PRR16: variants seen among roughly 807,000 people sequenced by gnomAD.
PRR16 encodes the protein proline rich 16, also known as protein Largen.
In PRR16, 6 loss-of-function variants were observed where a neutral mutation model predicts 18.2. The ratio of observed to expected loss-of-function variants is 0.33; its 90% confidence interval spans 0.18 to 0.65. The LOEUF is 0.65. Ranked by LOEUF, PRR16 falls within the 30% of genes least tolerant of loss-of-function variation. The pLI, the probability that PRR16 is intolerant of heterozygous loss-of-function variation, is 0.74. For missense variants in PRR16, 412 were observed against 376.6 expected (o/e 1.09, Z -0.78); for synonymous variants, 151 against 147.8 (o/e 1.02, Z -0.16).
At chr5:120,739,253 TA>T in the PRR16 span, among the ~76,000 whole-genome samples, 1 of 152,150 alleles carries the variant, frequency 6.6e-6, no homozygotes, top group Admixed American at 6.5e-5. Context: ...TATTATGAGA[TA>T]TTTAGATACT....
At chr5:120,496,899 A>G (rs563946788) in intron 1 of PRR16, among the ~76,000 whole-genome samples, 6 of 151,864 alleles carry the variant, frequency 4.0e-5, no homozygotes, top group South Asian at 4.2e-4. Context: ...GACTTGTTGT[A>G]TTTTCACTTT....
the PRR16 span, among the ~76,000 whole-genome samples, chr5:120,709,426 G>A: frequency 6.6e-6 from 1 of 152,056 alleles, no homozygotes; most frequent in Non-Finnish European, 1.5e-5. Context: ...CTTACAATAT[G>A]AGATGATCAA....
At chr5:120,636,554 T>C (rs1414811420) in intron 1 of PRR16, among the ~76,000 whole-genome samples, 1 of 152,096 alleles carries the variant, frequency 6.6e-6, no homozygotes, top group Non-Finnish European at 1.5e-5. Context: ...ATTCAACAAA[T>C]GGTGTTGGGG....
chr5:120,738,966 A>G, the PRR16 span, among the ~76,000 whole-genome samples: 1 of 152,202 alleles, frequency 6.6e-6, no homozygotes, highest in Non-Finnish European at 1.5e-5. Context: ...TCCTGCATAG[A>G]AAACTATCAT....
chr5:120,677,617 A>G (rs1756840880), intron 1 of PRR16, among the ~76,000 whole-genome samples: 1 of 152,170 alleles, frequency 6.6e-6, no homozygotes, highest in African/African-American at 2.4e-5. Context: ...CTTCTTGGAA[A>G]GGTTTCAGTC....
downstream of PRR16, among the ~76,000 whole-genome samples, chr5:120,691,437 A>G (rs1757208103): frequency 6.6e-6 from 1 of 152,216 alleles, no homozygotes; most frequent in African/African-American, 2.4e-5. Context: ...CTCATGTATT[A>G]TACCAGTGGC....
chr5:120,702,681 GTCT>G, the PRR16 span, among the ~76,000 whole-genome samples: 1 of 152,164 alleles, frequency 6.6e-6, no homozygotes, highest in Non-Finnish European at 1.5e-5. Flanking sequence ...GATAAAACGT[GTCT>G]TCTTTGTCTC....
intron 1 of PRR16, among the ~76,000 whole-genome samples, chr5:120,578,787 G>A (rs1753165907): frequency 6.7e-6 from 1 of 149,632 alleles, no homozygotes; most frequent in African/African-American, 2.6e-5. Flanking sequence ...TGGGTGAAAT[G>A]GTATGTCTGG....
chr5:120,657,962 C>G (rs1756041492), intron 1 of PRR16: 1 of 151,912 alleles, frequency 6.6e-6, no homozygotes, highest in African/African-American at 2.4e-5. Flanking sequence ...AACGTGCTAT[C>G]CCAATACCAA....
chr5:120,562,010 A>G (rs569920437), intron 1 of PRR16, among the ~76,000 whole-genome samples: 1 of 152,138 alleles, frequency 6.6e-6, no homozygotes, highest in Non-Finnish European at 1.5e-5. Flanking sequence ...TCTAGAGTGC[A>G]GATTAAGTCT....
At chr5:120,667,747 C>T (rs1250740174) in intron 1 of PRR16, among the ~76,000 whole-genome samples, 3 of 152,124 alleles carry the variant, frequency 2.0e-5, no homozygotes, top group East Asian at 3.9e-4. Context: ...TGTTCAGTTT[C>T]CATGTAGTTG....
chr5:120,629,741 TG>T (rs200959415), intron 1 of PRR16, among the ~76,000 whole-genome samples: 39,337 of 151,784 alleles, frequency 0.26, 6,076 homozygotes, highest in Middle Eastern at 0.41. Context: ...TAGAAGACTC[TG>T]TTTGTTTTTT....
chr5:120,698,330 G>C, the PRR16 span, among the ~76,000 whole-genome samples: 11 of 152,126 alleles, frequency 7.2e-5, no homozygotes, highest in South Asian at 2.3e-3. Flanking sequence ...AATGGAATAA[G>C]AGAAGAAAAA....
chr5:120,730,770 TAGAG>T, the PRR16 span, among the ~76,000 whole-genome samples: 6 of 152,294 alleles, frequency 3.9e-5, no homozygotes, highest in South Asian at 2.1e-4. Flanking sequence ...ACTGATCAAA[TAGAG>T]AGTCAAAATT....
At chr5:120,610,146 G>C (rs1343682322) in intron 1 of PRR16, among the ~76,000 whole-genome samples, 1 of 151,966 alleles carries the variant, frequency 6.6e-6, no homozygotes, top group African/African-American at 2.4e-5. Context: ...CTCTTCATCT[G>C]TTTGCTAGTG....
At chr5:120,489,893 T>C (rs1056871619) in intron 1 of PRR16, among the ~76,000 whole-genome samples, 5 of 152,218 alleles carry the variant, frequency 3.3e-5, no homozygotes, top group African/African-American at 1.2e-4. Context: ...AAGTATTTTA[T>C]TTCTCCTTCA....
At chr5:120,520,434 T>G (rs1751136181) in intron 1 of PRR16, among the ~76,000 whole-genome samples, 1 of 152,092 alleles carries the variant, frequency 6.6e-6, no homozygotes, top group South Asian at 2.1e-4. Flanking sequence ...TTGTGCATAG[T>G]TTGCTATTCC....
At position 120,686,421 on chromosome 5, in the gene PRR16, A is replaced by G. The variant is rs755201671; in HGVS notation, c.627A>G (p.Glu209=). 1 of 1,614,172 alleles carries G rather than the reference A, an allele frequency of 6.2e-7. No homozygotes were observed. The highest frequency in any genetic ancestry group is 2.2e-5 in the East Asian group (1 of 44,886). The change falls in exon 2 of 2, where the codon GAA becomes GAG. Residue 209 remains glutamate (E), a synonymous_variant. Coordinates refer to ENST00000407149, the MANE Select transcript of PRR16 (RefSeq NM_001300783.2). ...AGPRERVRFN[E]KVQYHGYCPD... ...CTCGAGAACGAGTTCGGTTTAATGA[A>G]AAAGTACAGTACCATGGCTATTGTC... is the stretch of plus-strand genomic sequence containing the variant.
intron 1 of PRR16, among the ~76,000 whole-genome samples, chr5:120,519,019 A>G (rs1282235084): frequency 6.6e-6 from 1 of 152,150 alleles, no homozygotes; most frequent in East Asian, 1.9e-4. Context: ...CAATCTTAAT[A>G]GTTTGGCGAT....
Sources: allele counts gnomAD v4.1 joint callset (sites outside exome capture counted in the v4.1 genomes callset), GRCh38; gene constraint gnomAD v4.1.1; transcripts MANE v1.5; gene names NCBI Gene and HGNC (gene_info 2026-07-23, HGNC 2026-07-21).